Variants in CAMSAP2 observed in about 807,000 individuals in gnomAD.
The protein encoded by CAMSAP2 is calmodulin regulated spectrin associated protein family member 2, also known as calmodulin-regulated spectrin-associated protein 2.
A neutral mutation model predicts 146.1 loss-of-function variants in CAMSAP2; 26 were observed. The observed-to-expected ratio is 0.18, with a 90% CI of 0.13 to 0.25. The LOEUF (loss-of-function observed/expected upper bound fraction) is 0.25. Among genes scored for constraint, CAMSAP2 ranks in the 10% least tolerant of loss-of-function variants. The probability of loss-of-function intolerance (pLI) is 1.00; values close to 1 mark genes in which losing one functional copy is unlikely to be tolerated. For missense variants in CAMSAP2, 1,381 were observed against 1,759.3 expected, an observed-to-expected ratio of 0.78 and a Z score of 3.85; for synonymous variants, 499 against 596.6, an observed-to-expected ratio of 0.84 and a Z score of 2.38.
intron 3 of CAMSAP2, among the ~76,000 whole-genome samples, chr1:200,810,431 C>T (rs752458837): frequency 2.7e-4 from 41 of 152,044 alleles, no homozygotes; most frequent in Non-Finnish European, 5.3e-4. Flanking sequence ...TAGTAATTAG[C>T]TGGGTATGGT....
chr1:200,852,718 A>G, intron 12 of CAMSAP2, 41 bp downstream of exon 12: 1 of 1,585,822 alleles, frequency 6.3e-7, no homozygotes, highest in Non-Finnish European at 8.5e-7. Context: ...CTGAACTTTA[A>G]TGATGCATGG....
At chr1:200,855,010 AT>A in intron 14 of CAMSAP2, 121 bp downstream of exon 14, 1 of 682,656 alleles carries the variant, frequency 1.5e-6, no homozygotes, top group Non-Finnish European at 2.3e-6. Context: ...ATAATCACAA[AT>A]TTTACTAAGT....
Position 200,739,913 on chromosome 1 carries a change from G to T in CAMSAP2, c.86G>T (p.Arg29Met), listed in dbSNP as rs1283417824. ...CCTTTTGACCACTATGATTTCTCCA[G>T]GGCCAAAATCGCCTGCAATCTGGCC... ...IKPFDHYDFS[R>M]AKIACNLAWL... The change falls in exon 1 of 17, where the codon AGG becomes ATG. Residue 29 changes from arginine (R) to methionine (M), a missense_variant. Around this residue, in one of 4 missense-constraint regions of CAMSAP2, gnomAD observed 284 missense variants for 406.9 expected, o/e 0.70. Transcript: ENST00000358823. The surrounding 1 kb of genome is among the most constrained non-coding windows in gnomAD (Gnocchi z 4.8). 6.2e-7 allele frequency: 1 copy of T among 1,614,186 alleles called. No individual in the cohort carries two copies. The highest frequency in any genetic ancestry group is 2.2e-5 in the East Asian group (1 of 44,878).
rs949626169 is a variant in CAMSAP2 at position 200,860,250 on chromosome 1, T to C, written c.*2191T>C. ...TTTTTTTTAATTATGTTTTTAAAAT[T>C]ATACAGTTGAAAAATATGCCATTTC... On this transcript the variant is annotated 3_prime_UTR_variant, in exon 17 of 17. Transcript: ENST00000358823. The C allele has an allele frequency of 3.3e-5, 5 of 152,714 alleles. No individual in the cohort carries two copies. Among genetic ancestry groups the C allele is most frequent in the Non-Finnish European group, 7.4e-5 (5 of 68,014 alleles). 9.5% of individuals were successfully genotyped at this position (152,714 alleles called of 1,614,324 possible). A position where few individuals can be genotyped will look rare whatever the true frequency, so the allele number is the denominator to read the frequency against.
intron 1 of CAMSAP2, among the ~76,000 whole-genome samples, chr1:200,755,232 T>C (rs1161340784): frequency 6.6e-6 from 1 of 152,246 alleles, no homozygotes; most frequent in East Asian, 1.9e-4. Context: ...CAGTGTTATT[T>C]AGCAGACAGA....
chr1:200,766,541 T>C (rs909271689), intron 2 of CAMSAP2, among the ~76,000 whole-genome samples: 2 of 152,182 alleles, frequency 1.3e-5, no homozygotes, highest in East Asian at 1.9e-4. Context: ...GATCATCCCT[T>C]TTCTATTGAT....
chr1:200,763,505 C>T (rs1032463599), intron 2 of CAMSAP2, among the ~76,000 whole-genome samples: 2 of 152,146 alleles, frequency 1.3e-5, no homozygotes, highest in Non-Finnish European at 2.9e-5. Context: ...CGCTACTGCA[C>T]TCCAGCCAGA....
chr1:200,858,340 C>A lies in CAMSAP2; in HGVS notation c.*281C>A. 1 of 290,280 alleles carries A rather than the reference C, an allele frequency of 3.4e-6. No individual in the cohort carries two copies. The highest frequency in any genetic ancestry group is 6.3e-6 in the Non-Finnish European group (1 of 157,692). The allele number at this position is 290,280 out of a possible 1,614,324, so 18.0% of individuals were successfully genotyped here. ...CTGCTTGATATTAGATACATTAAAG[C>A]ACTGAATTTTCATGGATATTAGTTG... is the stretch of plus-strand genomic sequence containing the variant. On this transcript the variant is annotated 3_prime_UTR_variant, in exon 17 of 17. Transcript: ENST00000358823.
rs540537988 is a variant in CAMSAP2, at chr1:200,739,272, C to A, written c.-556C>A. On this transcript the variant is annotated 5_prime_UTR_variant, in exon 1 of 17. Transcript: ENST00000358823. This position sits in a 1 kb window ranked among gnomAD's most constrained non-coding sequence, Gnocchi z 4.8. ...CTGCGCTGGGTGGGCCAGCTCGCCCCGCGCTTCCCCCTCGTCCTGCTCGTC... is the reference window on the plus strand; with the variant it reads ...CTGCGCTGGGTGGGCCAGCTCGCCCAGCGCTTCCCCCTCGTCCTGCTCGTC... Among the ~76,000 whole-genome samples the A allele has an allele frequency of 6.6e-6, 1 of 152,250 alleles. No individual in the cohort carries two copies. Among genetic ancestry groups the A allele is most frequent in the South Asian group, 2.1e-4 (1 of 4,826 alleles).
chr1:200,791,178 G>A (rs1347659756), intron 2 of CAMSAP2, among the ~76,000 whole-genome samples: 2 of 152,180 alleles, frequency 1.3e-5, no homozygotes, highest in African/African-American at 2.4e-5. Context: ...TTTTTGCTGA[G>A]TAAGATGCAT....
intron 2 of CAMSAP2, among the ~76,000 whole-genome samples, chr1:200,783,835 A>C (rs761709254): frequency 1.5e-4 from 23 of 152,142 alleles, no homozygotes; most frequent in South Asian, 4.1e-4. Flanking sequence ...TTAAATTTTG[A>C]TGAAGACCAG....
chr1:200,805,531 A>G, intron 2 of CAMSAP2, among the ~76,000 whole-genome samples: 1 of 152,206 alleles, frequency 6.6e-6, no homozygotes, highest in Non-Finnish European at 1.5e-5. Context: ...CATTAGCATC[A>G]CCTGGGGAAG....
At position 200,832,169 on chromosome 1, in the gene CAMSAP2, T is replaced by C. The variant is rs760696227; in HGVS notation, c.646-31T>C. ...TTTCCTATGCGTTATTTGGTACTTA[T>C]TTATTTTCATGTATTTTTTTTATAT... is the stretch of plus-strand genomic sequence containing the variant. On this transcript the variant is annotated intron_variant, in intron 4 of 16. Coordinates refer to ENST00000358823, the MANE Select transcript of CAMSAP2 (RefSeq NM_203459.4). This position sits in a 1 kb window ranked among gnomAD's most constrained non-coding sequence, Gnocchi z 4.2. The C allele has an allele frequency of 1.9e-6, 3 of 1,567,696 alleles. No individual in the cohort carries two copies. The highest frequency in any genetic ancestry group is 1.7e-4 in the Middle Eastern group (1 of 5,830).
chr1:200,806,959 G>T (rs773414603), intron 2 of CAMSAP2, among the ~76,000 whole-genome samples: 1 of 152,134 alleles, frequency 6.6e-6, no homozygotes, highest in Non-Finnish European at 1.5e-5. Flanking sequence ...AATTGGAACT[G>T]TGACAATCAG....
intron 8 of CAMSAP2, among the ~76,000 whole-genome samples, chr1:200,846,761 A>G (rs1558206599): frequency 6.6e-6 from 1 of 152,196 alleles, no homozygotes; most frequent in Non-Finnish European, 1.5e-5. Flanking sequence ...AGATGTTTTC[A>G]GCAGCTACTC....
intron 4 of CAMSAP2, among the ~76,000 whole-genome samples, chr1:200,826,105 G>A (rs76231971): frequency 0.017 from 2,648 of 152,124 alleles, 34 homozygotes; most frequent in Non-Finnish European, 0.027. Flanking sequence ...TCAGCGATTC[G>A]GCATAACTTT....
intron 11 of CAMSAP2, among the ~76,000 whole-genome samples, chr1:200,851,937 C>T (rs1328535258): frequency 6.6e-6 from 1 of 152,198 alleles, no homozygotes; most frequent in Non-Finnish European, 1.5e-5. Context: ...GAAACTAGGG[C>T]AGGCCCAGGA....
At position 200,739,783 on chromosome 1, in the gene CAMSAP2, A is replaced by G. The variant is rs1245554620; in HGVS notation, c.-45A>G. On this transcript the variant is annotated 5_prime_UTR_variant, in exon 1 of 17. It removes an upstream start codon present in the reference 5' UTR. Transcript: ENST00000358823. The surrounding 1 kb of genome is among the most constrained non-coding windows in gnomAD (Gnocchi z 4.8). Reference sequence around the variant, plus strand: ...ACCCCCGTGGTGGCGAGGCCACGCCATGTGAAGGTTAGGGCCGGGACATCC... The same window carrying G: ...ACCCCCGTGGTGGCGAGGCCACGCCGTGTGAAGGTTAGGGCCGGGACATCC... 7.2e-7 allele frequency: 1 copy of G among 1,395,124 alleles called. No homozygotes were observed. The highest frequency in any genetic ancestry group is 1.2e-5 in the South Asian group (1 of 86,252). 86.4% of individuals were successfully genotyped at this position (1,395,124 alleles called of 1,614,324 possible).
intron 1 of CAMSAP2, among the ~76,000 whole-genome samples, chr1:200,760,605 G>A (rs1039886381): frequency 6.6e-6 from 1 of 152,120 alleles, no homozygotes; most frequent in Non-Finnish European, 1.5e-5. Context: ...TCCTTGTCTT[G>A]TAGTCCCTTT....
Sources: allele counts gnomAD v4.1 joint callset (sites outside exome capture counted in the v4.1 genomes callset), GRCh38; gene constraint gnomAD v4.1.1; regional missense constraint gnomAD v4.1.1; non-coding constraint Gnocchi (gnomAD v3.1); transcripts MANE v1.5; gene names NCBI Gene and HGNC (gene_info 2026-07-23, HGNC 2026-07-21).